Variants in EPHB1 observed in about 807,000 individuals in gnomAD.
EPHB1 encodes the protein ephrin type-B receptor 1.
In EPHB1, 30 loss-of-function variants were observed where a neutral mutation model predicts 94.4. The ratio of observed to expected loss-of-function variants is 0.32; its 90% CI spans 0.24 to 0.43. EPHB1 has a LOEUF of 0.43. Among genes scored for constraint, EPHB1 ranks in the 20% least tolerant of loss-of-function variants. The probability of loss-of-function intolerance (pLI) is 1.00; values close to 1 mark genes in which losing one functional copy is unlikely to be tolerated. For synonymous variants in EPHB1, 522 were observed against 489.1 expected, an observed-to-expected ratio of 1.07 and a Z score of -0.89; for missense variants, 1,055 against 1,308.3, an observed-to-expected ratio of 0.81 and a Z score of 2.99.
In EPHB1 at chr3:135,249,463, C is replaced by T; in HGVS notation, c.2818C>T (p.Leu940Phe). 6.2e-7 allele frequency: 1 copy of T among 1,613,932 alleles called. No individual in the cohort carries two copies. The highest frequency in any genetic ancestry group is 1.1e-5 in the South Asian group (1 of 91,062). The part of the protein sequence containing the change: ...DSFLTAGFTS[L>F]QLVTQMTSED... ...CTTCCTCACTGCTGGCTTCACCTCC[C>T]TCCAGCTGGTCACCCAGATGACATC... Residue 940 changes from leucine to phenylalanine, a missense_variant, in exon 15 of 16, where the codon CTC (leucine) becomes TTC (phenylalanine). Transcript: ENST00000398015.
intron 10 of EPHB1, 74 bp downstream of exon 10, chr3:135,180,056 C>G (rs1283710909): frequency 6.4e-7 from 1 of 1,569,726 alleles, no homozygotes; most frequent in African/African-American, 1.4e-5. Flanking sequence ...TAGATGGTCT[C>G]TTTCAGTATG....
intron 3 of EPHB1, among the ~76,000 whole-genome samples, chr3:134,958,546 GC>G (rs1478268649): frequency 6.6e-6 from 1 of 152,064 alleles, no homozygotes; most frequent in Non-Finnish European, 1.5e-5. Flanking sequence ...GGAAACCACA[GC>G]CCAGATAGCC....
intron 12 of EPHB1, among the ~76,000 whole-genome samples, chr3:135,210,663 A>T (rs1228583614): frequency 6.6e-6 from 1 of 152,194 alleles, no homozygotes; most frequent in East Asian, 1.9e-4. Context: ...AGAGTGGTCA[A>T]GTGAGTTACT....
intron 3 of EPHB1, among the ~76,000 whole-genome samples, chr3:134,991,592 A>G (rs1256429767): frequency 6.6e-6 from 1 of 152,174 alleles, no homozygotes; most frequent in Non-Finnish European, 1.5e-5. Context: ...TCAGAACTCT[A>G]GCTCACTAGT....
At chr3:134,912,211 C>T (rs1055445449) in intron 1 of EPHB1, among the ~76,000 whole-genome samples, 1 of 152,126 alleles carries the variant, frequency 6.6e-6, no homozygotes, top group African/African-American at 2.4e-5. Context: ...CTCATCTTGC[C>T]CACAAAGAGC....
intron 3 of EPHB1, among the ~76,000 whole-genome samples, chr3:135,100,866 A>AAT (rs1191857667): frequency 6.6e-6 from 1 of 152,090 alleles, no homozygotes; most frequent in African/African-American, 2.4e-5. Context: ...TTGAATGGAA[A>AAT]ATATATACAC....
At chr3:135,152,108 A>G (rs1941211999) in intron 5 of EPHB1, among the ~76,000 whole-genome samples, 1 of 152,242 alleles carries the variant, frequency 6.6e-6, no homozygotes, top group Non-Finnish European at 1.5e-5. Flanking sequence ...CTCATTTGGA[A>G]AAGAGCCATC....
At chr3:135,241,870 G>A (rs1227524209) in intron 13 of EPHB1, among the ~76,000 whole-genome samples, 1 of 152,182 alleles carries the variant, frequency 6.6e-6, no homozygotes, top group Non-Finnish European at 1.5e-5. Context: ...AGGAAGAGGT[G>A]GAAAGCTTTC....
At chr3:134,935,064 GGAC>G (rs2038975529) in intron 2 of EPHB1, among the ~76,000 whole-genome samples, 1 of 152,128 alleles carries the variant, frequency 6.6e-6, no homozygotes, top group African/African-American at 2.4e-5. Context: ...GTGAGCCTGA[GGAC>G]TGACTCATTG....
chr3:135,212,213 C>T (rs901279293), intron 12 of EPHB1, among the ~76,000 whole-genome samples: 14 of 152,056 alleles, frequency 9.2e-5, no homozygotes, highest in Admixed American at 3.3e-4. Flanking sequence ...TTTTATCATT[C>T]ATAAGCATAT....
chr3:135,042,788 C>T (rs1352821637), intron 3 of EPHB1, among the ~76,000 whole-genome samples: 5 of 152,120 alleles, frequency 3.3e-5, no homozygotes, highest in East Asian at 1.9e-4. Context: ...GGAAAATTCT[C>T]GTGACTCATA....
At chr3:135,139,188 A>T (rs1165459736) in intron 5 of EPHB1, among the ~76,000 whole-genome samples, 1 of 152,216 alleles carries the variant, frequency 6.6e-6, no homozygotes, top group Non-Finnish European at 1.5e-5. Context: ...GGTGACCCAC[A>T]GGTAACATCT....
chr3:135,078,923 G>A (rs1394036743), intron 3 of EPHB1, among the ~76,000 whole-genome samples: 1 of 152,108 alleles, frequency 6.6e-6, no homozygotes, highest in Non-Finnish European at 1.5e-5. Context: ...CTTTTCTCTG[G>A]TTTCTATAAC....
intron 12 of EPHB1, among the ~76,000 whole-genome samples, chr3:135,217,423 ACCAC>A (rs999228150): frequency 1.1e-5 from 1 of 92,400 alleles, no homozygotes; most frequent in African/African-American, 4.1e-5. Context: ...TCCCATCAGT[ACCAC>A]ACACACACAC....
chr3:135,258,866 G>T (rs1014900119), intron 15 of EPHB1, 146 bp from the exon 16 acceptor site: 1 of 671,326 alleles, frequency 1.5e-6, no homozygotes, highest in African/African-American at 1.8e-5. Context: ...CTAATTGGAA[G>T]TTTGCCAAAA....
chr3:134,890,199 G>A (rs952346141), intron 1 of EPHB1, among the ~76,000 whole-genome samples: 1 of 152,110 alleles, frequency 6.6e-6, no homozygotes, highest in Non-Finnish European at 1.5e-5. Flanking sequence ...CATGTTTAAT[G>A]CCTGTGCATG....
intron 1 of EPHB1, among the ~76,000 whole-genome samples, chr3:134,811,690 C>T (rs1206748369): frequency 6.6e-6 from 1 of 152,162 alleles, no homozygotes; most frequent in African/African-American, 2.4e-5. Context: ...AGTCTTCCTC[C>T]TTGCCAGGAA....
chr3:134,951,796 T>C lies in EPHB1; in HGVS notation c.549T>C (p.Cys183=). 6.2e-7 allele frequency: 1 copy of C among 1,614,080 alleles called. No individual in the cohort carries two copies. The highest frequency in any genetic ancestry group is 8.5e-7 in the Non-Finnish European group (1 of 1,179,910). ...TCGCTTTTCAGGATTATGGAGCCTG[T>C]ATGTCTCTTCTTTCTGTCCGTGTCT... The part of the protein sequence containing the change: ...FYLAFQDYGA[C]MSLLSVRVFF... The change falls in exon 3 of 16, where the codon TGT becomes TGC. Residue 183 remains cysteine (C), a synonymous_variant. Transcript: ENST00000398015. This position sits in a 1 kb window ranked among gnomAD's most constrained non-coding sequence, Gnocchi z 4.5.
chr3:135,047,335 A>G (rs746982009), intron 3 of EPHB1, among the ~76,000 whole-genome samples: 4 of 152,204 alleles, frequency 2.6e-5, no homozygotes, highest in African/African-American at 9.6e-5. Context: ...CAACTTTCAC[A>G]AGGAGAATGA....
Sources: gnomAD v4.1 joint callset for allele counts (sites outside exome capture counted in the v4.1 genomes callset) on GRCh38, gnomAD v4.1.1 for gene constraint, Gnocchi (gnomAD v3.1) non-coding constraint, MANE v1.5 for transcripts, NCBI Gene and HGNC (gene_info 2026-07-23, HGNC 2026-07-21) for gene names.